ARHGEF18: variants seen among roughly 807,000 people sequenced by gnomAD.
The protein encoded by ARHGEF18 is rho guanine nucleotide exchange factor 18.
ARHGEF18 carries 93 observed loss-of-function variants against 155.7 expected under a neutral mutation model. The observed-to-expected ratio is 0.60, with a 90% CI of 0.50 to 0.71. The LOEUF (loss-of-function observed/expected upper bound fraction) is 0.71, where lower values mean the gene tolerates loss of function less well. ARHGEF18 is among the 30% of genes least tolerant of loss of function. The pLI, the probability that ARHGEF18 is intolerant of heterozygous loss-of-function variation, is 0.00. For missense variants in ARHGEF18, 1,593 were observed against 1,816.1 expected (o/e 0.88, Z 2.23); for synonymous variants, 742 against 753.1 (o/e 0.99, Z 0.24).
chr19:7,473,912 G>T (rs565376484), downstream of ARHGEF18, among the ~76,000 whole-genome samples: 4 of 151,556 alleles, frequency 2.6e-5, no homozygotes, highest in African/African-American at 9.7e-5. Flanking sequence ...GAGCCTAGGG[G>T]TTCAAAGTTG....
intron 10 of ARHGEF18, among the ~76,000 whole-genome samples, chr19:7,417,366 T>C (rs903048756): frequency 1.2e-4 from 18 of 152,072 alleles, no homozygotes; most frequent in African/African-American, 4.1e-4. Context: ...CTGGGCAGCA[T>C]AGCAAGACCC....
At chr19:7,356,157 C>T (rs1446716797) in intron 1 of ARHGEF18, among the ~76,000 whole-genome samples, 1 of 152,064 alleles carries the variant, frequency 6.6e-6, no homozygotes, top group African/African-American at 2.4e-5. Context: ...GGTGCTCTCT[C>T]TCTCAACCCC....
downstream of ARHGEF18, chr19:7,473,385 G>A (rs114790458): frequency 1.2e-3 from 528 of 432,632 alleles, 5 homozygotes; most frequent in African/African-American, 9.4e-3. Flanking sequence ...AAGGAGGGCC[G>A]GGCACAGTGG....
In ARHGEF18 at chr19:7,468,355, G is replaced by A. The variant is rs1976794348; in HGVS notation, c.3481-470G>A. 2.0e-5 allele frequency among the ~76,000 whole-genome samples: 3 copies of A among 151,950 alleles called. No homozygotes were observed. The Middle Eastern group carries it at 0.01, about 517-fold the overall frequency. Reference sequence around the variant, plus strand: ...AGGCTAGGTATTTGAGACCAGCCTGGGCCACGTAGTGAGACCTCATCTCTA... The same window carrying A: ...AGGCTAGGTATTTGAGACCAGCCTGAGCCACGTAGTGAGACCTCATCTCTA... On this transcript the variant is annotated intron_variant, in intron 26 of 28. Coordinates refer to ENST00000668164, the MANE Select transcript of ARHGEF18 (RefSeq NM_001367823.1).
the ARHGEF18 span, chr19:7,478,393 CGAGGGAGGATGCCCCGGCGGG>C: frequency 6.2e-7 from 1 of 1,603,858 alleles, no homozygotes; most frequent in African/African-American, 1.3e-5. Context: ...CACCAGAGCC[CGAGGGAGGATGCCCCGGCGGG>C]GAGCAGGAGG....
rs573670041 is a variant in ARHGEF18, at chr19:7,453,583, G to T, written c.1972G>T (p.Ala658Ser). 46 of 1,613,910 alleles carry T rather than the reference G, an allele frequency of 2.9e-5. No homozygotes were observed. The South Asian group carries it at 4.6e-4, about 16-fold the overall frequency. ...CEKGQRLREI[A>S]GKMDLKSSSK... is the part of the protein sequence containing the mutation. ...GAAGGGCCAGCGCCTCAGGGAGATCGCAGGGAAGATGGACCTGAAGTCTTC... is the reference window on the plus strand; with the variant it reads ...GAAGGGCCAGCGCCTCAGGGAGATCTCAGGGAAGATGGACCTGAAGTCTTC... Residue 658 changes from alanine to serine, a missense_variant, in exon 17 of 29, where the codon GCA becomes TCA. Ala to Ser is a moderately conservative substitution (Grantham distance 99). Coordinates refer to ENST00000668164, the MANE Select transcript of ARHGEF18 (RefSeq NM_001367823.1).
At chr19:7,473,633 A>T (rs1170310119), downstream of ARHGEF18, among the ~76,000 whole-genome samples, 1 of 151,936 alleles carries the variant, frequency 6.6e-6, no homozygotes, top group East Asian at 1.9e-4. Context: ...AACAAGGTGA[A>T]ACCCCGTCTC....
intron 19 of ARHGEF18, among the ~76,000 whole-genome samples, chr19:7,459,695 C>T (rs1976073994): frequency 6.6e-6 from 1 of 152,258 alleles, no homozygotes. Context: ...CATGTAAAGC[C>T]TCTTCCTGGT....
chr19:7,452,878 C>T lies in ARHGEF18; in HGVS notation c.1856-589C>T, dbSNP rs551149985. Among the ~76,000 whole-genome samples, 31 of 151,946 alleles carry T rather than the reference C, an allele frequency of 2.0e-4. No individual in the cohort carries two copies. In the South Asian group the frequency reaches 2.5e-3, roughly 12 times the overall value. ...TGAATTGCACCTTAGCTTCTGCATT[C>T]GATAGATGCTCTACCTAGGTAAAAA... On this transcript the variant is annotated intron_variant, in intron 16 of 28. Transcript: ENST00000668164.
intron 10 of ARHGEF18, among the ~76,000 whole-genome samples, chr19:7,396,948 C>T (rs1175475631): frequency 2.6e-5 from 4 of 151,496 alleles, no homozygotes; most frequent in Admixed American, 6.6e-5. Context: ...TTTGCATATG[C>T]GAATGCTCCC....
Position 7,428,828 on chromosome 19 carries a change from G to A in ARHGEF18, c.968-11516G>A, listed in dbSNP as rs1007513763. Among the ~76,000 whole-genome samples, 9 of 152,304 alleles carry A rather than the reference G, an allele frequency of 5.9e-5. No individual in the cohort carries two copies. The South Asian group carries it at 6.2e-4, about 11-fold the overall frequency. ...CCCGCCCTGCCCGACTGCATCCTTC[G>A]CCACAGGGCCGTGGTAGCCTGCATG... is the stretch of plus-strand genomic sequence containing the variant. On this transcript the variant is annotated intron_variant, in intron 10 of 28. Coordinates refer to ENST00000668164, the MANE Select transcript of ARHGEF18 (RefSeq NM_001367823.1).
At chr19:7,476,901 C>T (rs546606997), downstream of ARHGEF18, 31 of 364,008 alleles carry the variant, frequency 8.5e-5, no homozygotes, top group East Asian at 1.2e-3. Context: ...TTAATTGATT[C>T]CCGTTCCAGC....
intron 2 of ARHGEF18, among the ~76,000 whole-genome samples, chr19:7,367,471 G>A (rs1189694101): frequency 6.6e-6 from 1 of 152,008 alleles, no homozygotes; most frequent in Non-Finnish European, 1.5e-5. Flanking sequence ...CTGGGGCCGG[G>A]CGTGGTGACT....
intron 17 of ARHGEF18, among the ~76,000 whole-genome samples, chr19:7,455,833 G>GCA (rs139030961): frequency 0.027 from 4,153 of 152,264 alleles, 181 homozygotes; most frequent in African/African-American, 0.09. Flanking sequence ...GGGAGCTTGT[G>GCA]CAGGGAAACT....
rs1480073639 is a variant in ARHGEF18 at position 7,361,990 on chromosome 19, T to TGGAAGAAGAAGAAGAAGAAGA, written c.-110-790_-110-770dup. Among the ~76,000 whole-genome samples the TGGAAGAAGAAGAAGAAGAAGA allele has an allele frequency of 2.4e-3, 261 of 111,028 alleles. 28 individuals carry two copies. Among genetic ancestry groups the TGGAAGAAGAAGAAGAAGAAGA allele is most frequent in the East Asian group, 0.013 (50 of 3,970 alleles). 72.8% of individuals were successfully genotyped at this position (111,028 alleles called of 152,430 possible). On this transcript the variant is annotated intron_variant, in intron 1 of 28. Coordinates refer to ENST00000668164, the MANE Select transcript of ARHGEF18 (RefSeq NM_001367823.1). ...TTGGGGGCAACAGAGCAAGACTCTG[T>TGGAAGAAGAAGAAGAAGAAGA]GGAAGAAGAAGAAGAAGAAGAAGAA...
At chr19:7,445,780 C>T (rs983453868) in intron 14 of ARHGEF18, among the ~76,000 whole-genome samples, 5 of 151,886 alleles carry the variant, frequency 3.3e-5, no homozygotes, top group Admixed American at 2.0e-4. Context: ...CCACCACACC[C>T]GGCTAATTTT....
At chr19:7,378,329 G>A in intron 5 of ARHGEF18, 65 bp from the exon 6 acceptor site, 11 of 1,204,996 alleles carry the variant, frequency 9.1e-6, no homozygotes, top group Non-Finnish European at 1.0e-5. Context: ...GGAGGGCTCT[G>A]CTGGGCTGGT....
intron 19 of ARHGEF18, among the ~76,000 whole-genome samples, chr19:7,459,088 A>G (rs552896472): frequency 2.4e-4 from 37 of 152,230 alleles, no homozygotes; most frequent in African/African-American, 8.2e-4. Flanking sequence ...TCTGTCACCC[A>G]GGCTGGAGTG....
rs1412746966 is a variant in ARHGEF18 at position 7,398,289 on chromosome 19, T to G, written c.967+15086T>G. Among the ~76,000 whole-genome samples, 4 of 151,712 alleles carry G rather than the reference T, an allele frequency of 2.6e-5. No individual in the cohort carries two copies. In the East Asian group the frequency reaches 7.8e-4, roughly 30 times the overall value. On this transcript the variant is annotated intron_variant, in intron 10 of 28. Transcript: ENST00000668164. ...TTTCGCCATGTTGGCCAGGCTGATG[T>G]CGAACTCCTGACCTCAGGTAATATC...
Sources: allele counts gnomAD v4.1 joint callset (sites outside exome capture counted in the v4.1 genomes callset), GRCh38; gene constraint gnomAD v4.1.1; transcripts MANE v1.5; gene names NCBI Gene and HGNC (gene_info 2026-07-23, HGNC 2026-07-21).